DCDC1: variants seen among roughly 807,000 people sequenced by gnomAD.
DCDC1 encodes the protein doublecortin domain-containing protein 1.
Under a neutral mutation model 178.3 loss-of-function variants are expected in DCDC1, and 200 were observed. The observed-to-expected ratio is 1.12, with a 90% confidence interval of 1.00 to 1.26. DCDC1 has a LOEUF of 1.26. DCDC1 is among the 50% of genes most tolerant of loss of function. The pLI, the probability that DCDC1 is intolerant of heterozygous loss-of-function variation, is 0.00. For missense variants in DCDC1, 1,983 were observed against 1,749.2 expected, an observed-to-expected ratio of 1.13 and a Z score of -2.38; for synonymous variants, 690 against 604.8, an observed-to-expected ratio of 1.14 and a Z score of -2.07.
At chr11:30,909,142 T>C in intron 28 of DCDC1, 26 bp from the exon 29 acceptor site, 1 of 1,588,434 alleles carries the variant, frequency 6.3e-7, no homozygotes, top group Non-Finnish European at 8.6e-7. Flanking sequence ...AAATATGGAG[T>C]CAAGTGAGTT....
chr11:31,334,862 G>A (rs547027881), intron 2 of DCDC1, among the ~76,000 whole-genome samples: 23 of 152,304 alleles, frequency 1.5e-4, no homozygotes, highest in Admixed American at 1.3e-3. Context: ...GGGGGTCAGG[G>A]ACCCACTGAG....
In DCDC1 at chr11:30,878,667, G is replaced by C; in HGVS notation, c.5278C>G (p.Arg1760Gly). The C allele has an allele frequency of 6.2e-7, 1 of 1,609,162 alleles. No homozygotes were observed. The highest frequency in any genetic ancestry group is 8.5e-7 in the Non-Finnish European group (1 of 1,178,098). ...GTGGCTTGAGGGCCCTGCTGCCTTC[G>C]GATTCTGGCATAATTTGCTCTGATC... ...MEIRANYARI[R>G]RQQGPQATDI... Residue 1760 changes from arginine (R) to glycine (G), a missense_variant, in exon 38 of 39, where the codon CGA becomes GGA. Transcript: ENST00000684477.
chr11:30,971,270 C>A (rs1949761205), intron 20 of DCDC1, among the ~76,000 whole-genome samples: 1 of 152,046 alleles, frequency 6.6e-6, no homozygotes, highest in Non-Finnish European at 1.5e-5. Context: ...AAGAAAAGAT[C>A]ACATCTCCAA....
intron 20 of DCDC1, among the ~76,000 whole-genome samples, chr11:31,062,411 T>A (rs1955983370): frequency 6.6e-6 from 1 of 152,082 alleles, no homozygotes; most frequent in South Asian, 2.1e-4. Flanking sequence ...TACATTCTAG[T>A]GATGTGAGAA....
chr11:31,192,044 A>G (rs1970190733), intron 9 of DCDC1, among the ~76,000 whole-genome samples: 1 of 152,044 alleles, frequency 6.6e-6, no homozygotes. Flanking sequence ...ACCAGAAACC[A>G]GGGAGCCATG....
chr11:31,147,107 G>A (rs1964531242), intron 9 of DCDC1, among the ~76,000 whole-genome samples: 1 of 152,122 alleles, frequency 6.6e-6, no homozygotes, highest in Admixed American at 6.5e-5. Flanking sequence ...GGAGCATTTA[G>A]GACTCACTCA....
At chr11:30,888,727 CAAACAAAAAACA>C (rs1177389121) in intron 36 of DCDC1, among the ~76,000 whole-genome samples, 7 of 152,042 alleles carry the variant, frequency 4.6e-5, no homozygotes, top group Non-Finnish European at 7.4e-5. Context: ...CAAAAGGAAA[CAAACAAAAAACA>C]AAACAAAACA....
At chr11:31,177,933 T>C (rs928235010) in intron 9 of DCDC1, among the ~76,000 whole-genome samples, 1 of 151,168 alleles carries the variant, frequency 6.6e-6, no homozygotes, top group African/African-American at 2.4e-5. Flanking sequence ...AGTAGGGAAC[T>C]TCAATACACT....
chr11:31,134,553 C>T (rs1003125415), intron 10 of DCDC1, among the ~76,000 whole-genome samples: 5 of 152,224 alleles, frequency 3.3e-5, no homozygotes, highest in Admixed American at 1.3e-4. Context: ...ATTTCTCAGC[C>T]TTATCCAGTG....
chr11:31,072,384 C>A (rs574649352), intron 18 of DCDC1, among the ~76,000 whole-genome samples: 2 of 152,162 alleles, frequency 1.3e-5, no homozygotes, highest in Non-Finnish European at 2.9e-5. Flanking sequence ...CCCCATTTTT[C>A]ATATTCTCCT....
intron 20 of DCDC1, among the ~76,000 whole-genome samples, chr11:30,970,589 C>T (rs1301564297): frequency 6.6e-6 from 1 of 152,186 alleles, no homozygotes; most frequent in African/African-American, 2.4e-5. Flanking sequence ...GACTCCACCA[C>T]CCCCAACAGA....
At chr11:31,022,643 T>G (rs796461769) in intron 20 of DCDC1, among the ~76,000 whole-genome samples, 40 of 121,050 alleles carry the variant, frequency 3.3e-4, no homozygotes, top group African/African-American at 1.2e-3. Context: ...GTCTTTTAGT[T>G]TGTGTGTGTG....
intron 1 of DCDC1, among the ~76,000 whole-genome samples, chr11:31,357,198 G>A (rs1272494650): frequency 6.6e-6 from 1 of 152,016 alleles, no homozygotes; most frequent in African/African-American, 2.4e-5. Flanking sequence ...ATAAAATACT[G>A]GCAAACTGAA....
intron 1 of DCDC1, among the ~76,000 whole-genome samples, chr11:31,367,357 T>C (rs1952014252): frequency 6.6e-6 from 1 of 152,162 alleles, no homozygotes; most frequent in African/African-American, 2.4e-5. Context: ...AAAAGAAGTG[T>C]CCATTTCTAT....
At chr11:31,081,816 T>C (rs1489159288) in intron 17 of DCDC1, among the ~76,000 whole-genome samples, 3 of 152,156 alleles carry the variant, frequency 2.0e-5, no homozygotes. Context: ...AATCTATAAA[T>C]GTTGTCCCTA....
At chr11:31,088,749 C>T (rs189421746) in intron 17 of DCDC1, among the ~76,000 whole-genome samples, 8 of 152,178 alleles carry the variant, frequency 5.3e-5, no homozygotes, top group Non-Finnish European at 7.4e-5. Context: ...CACAGGCTTG[C>T]TCTGTCACTC....
At chr11:31,331,367 C>T (rs967138270) in intron 2 of DCDC1, among the ~76,000 whole-genome samples, 1 of 152,100 alleles carries the variant, frequency 6.6e-6, no homozygotes, top group Non-Finnish European at 1.5e-5. Flanking sequence ...ATTGAATATC[C>T]TTTATTTCTT....
At chr11:30,943,771 T>C in intron 21 of DCDC1, 2 of 344,740 alleles carry the variant, frequency 5.8e-6, no homozygotes, top group Non-Finnish European at 1.1e-5. Flanking sequence ...ATATATTAAA[T>C]GCTGTTTGTT....
chr11:31,175,472 C>T (rs1056803666), intron 9 of DCDC1, among the ~76,000 whole-genome samples: 51 of 152,228 alleles, frequency 3.4e-4, no homozygotes, highest in African/African-American at 1.2e-3. Context: ...CACACACACA[C>T]CCACTACACA....
Sources: gnomAD v4.1 joint callset for allele counts (sites outside exome capture counted in the v4.1 genomes callset) on GRCh38, gnomAD v4.1.1 for gene constraint, MANE v1.5 for transcripts, NCBI Gene and HGNC (gene_info 2026-07-23, HGNC 2026-07-21) for gene names.